MDM4: variants seen among roughly 807,000 people sequenced by gnomAD.
MDM4 encodes the protein protein Mdm4.
In MDM4, 2 loss-of-function variants were observed where a neutral mutation model predicts 60.2. The observed-to-expected ratio is 0.03, with a 90% CI of 0.01 to 0.10. The LOEUF (loss-of-function observed/expected upper bound fraction) is 0.10. Ranked by LOEUF, MDM4 falls within the 10% of genes least tolerant of loss-of-function variation. The probability of loss-of-function intolerance (pLI) is 1.00; values close to 1 mark genes in which losing one functional copy is unlikely to be tolerated. For synonymous variants in MDM4, 202 were observed against 198.1 expected, an observed-to-expected ratio of 1.02 and a Z score of -0.17; for missense variants, 447 against 577.5, an observed-to-expected ratio of 0.77 and a Z score of 2.32.
chr1:204,529,009 A>C (rs1660557866), intron 3 of MDM4: 29 of 1,523,276 alleles, frequency 1.9e-5, no homozygotes, highest in Non-Finnish European at 2.5e-5. Context: ...GAGCGTGGGC[A>C]GTAGCTGGAG....
intron 8 of MDM4, among the ~76,000 whole-genome samples, 185 bp from the exon 9 acceptor site, chr1:204,544,350 A>G (rs1273993078): frequency 5.9e-5 from 9 of 152,204 alleles, no homozygotes; most frequent in East Asian, 3.8e-4. Flanking sequence ...ATATCCATCC[A>G]TTAGTTTATC....
intron 1 of MDM4, among the ~76,000 whole-genome samples, chr1:204,523,980 C>T (rs982367965): frequency 6.6e-6 from 1 of 151,730 alleles, no homozygotes; most frequent in Non-Finnish European, 1.5e-5. Flanking sequence ...AGTGGCTGGG[C>T]GAGTAGTATG....
Position 204,537,774 on chromosome 1 carries a change from T to C in MDM4, c.411+277T>C, listed in dbSNP as rs1463669266. On this transcript the variant is annotated intron_variant, in intron 6 of 10. Transcript: ENST00000367182. ...TTGTGTGTACCTGTGTGTGTGTGTT[T>C]GAGGATATTGCTTTATTAGATTTTA... 5.0e-6 allele frequency: 3 copies of C among 597,774 alleles called. No individual in the cohort carries two copies. The African/African-American group carries it at 5.6e-5, about 11-fold the overall frequency. The allele number at this position is 597,774 out of a possible 1,614,324, so 37.0% of individuals were successfully genotyped here. A position where few individuals can be genotyped will look rare whatever the true frequency, so the allele number is the denominator to read the frequency against.
intron 2 of MDM4, 123 bp from the exon 3 acceptor site, chr1:204,526,237 C>A: frequency 1.3e-6 from 1 of 743,588 alleles, no homozygotes; most frequent in Non-Finnish European, 2.3e-6. Flanking sequence ...GCCAAGGCGA[C>A]AGAGCAAGAC....
At chr1:204,516,918 C>T (rs967285645) in intron 1 of MDM4, among the ~76,000 whole-genome samples, 2 of 152,060 alleles carry the variant, frequency 1.3e-5, no homozygotes, top group Non-Finnish European at 2.9e-5. Context: ...GACAGTCTAC[C>T]TTAGAGGCAC....
At position 204,552,885 on chromosome 1, in the gene MDM4, T is replaced by TA; in HGVS notation, c.*3203_*3204insA. 6.1e-6 allele frequency: 1 copy of TA among 164,412 alleles called. No individual in the cohort carries two copies. Among genetic ancestry groups the TA allele is most frequent in the Non-Finnish European group, 1.3e-5 (1 of 75,174 alleles). 10.2% of individuals were successfully genotyped at this position (164,412 alleles called of 1,614,324 possible). A position where few individuals can be genotyped will look rare whatever the true frequency, so the allele number is the denominator to read the frequency against. On this transcript the variant is annotated 3_prime_UTR_variant, in exon 11 of 11. Transcript: ENST00000367182. Reference sequence around the variant, plus strand: ...TTCTTTTCTTTTCTTTTTTTTTTTTTTTTACTTGAGATGGAGTTTTGCTCT... The same window carrying TA: ...TTCTTTTCTTTTCTTTTTTTTTTTTTATTTACTTGAGATGGAGTTTTGCTCT...
chr1:204,529,568 A>C (rs570737527), intron 3 of MDM4: 1 of 1,448,180 alleles, frequency 6.9e-7, no homozygotes, highest in African/African-American at 1.4e-5. Flanking sequence ...AGCCACCACC[A>C]GGGGGTAGCA....
chr1:204,527,643 C>CAAA (rs55900130), intron 3 of MDM4, among the ~76,000 whole-genome samples: 3 of 109,486 alleles, frequency 2.7e-5, no homozygotes, highest in African/African-American at 3.7e-5. Flanking sequence ...AACTCCATCT[C>CAAA]AAAAAAAAAA....
chr1:204,544,047 GGTTA>G (rs1346355183), intron 8 of MDM4, among the ~76,000 whole-genome samples: 1 of 152,174 alleles, frequency 6.6e-6, no homozygotes, highest in Non-Finnish European at 1.5e-5. Flanking sequence ...GAATGCAGAA[GGTTA>G]GTTCTATATG....
intron 4 of MDM4, among the ~76,000 whole-genome samples, chr1:204,531,451 A>G (rs1660845039): frequency 6.6e-6 from 1 of 152,208 alleles, no homozygotes; most frequent in Non-Finnish European, 1.5e-5. Flanking sequence ...TAGCTTATAT[A>G]GTCAAAAGCT....
chr1:204,522,557 C>G (rs912299138), intron 1 of MDM4, among the ~76,000 whole-genome samples: 5 of 151,436 alleles, frequency 3.3e-5, no homozygotes, highest in Non-Finnish European at 5.9e-5. Context: ...GCCACCACAC[C>G]TGGCTAATTT....
rs869147485 is a variant in MDM4 at position 204,535,157 on chromosome 1, C to CTT, written c.344-2256_344-2255dup. ...GATGCCATTGTTTAAAATGGTAGTTCTTTTTTTTTTTTTTTTTTGAGATGG... is the reference window on the plus strand; with the variant it reads ...GATGCCATTGTTTAAAATGGTAGTTCTTTTTTTTTTTTTTTTTTTTGAGATGG... On this transcript the variant is annotated intron_variant, in intron 5 of 10. Transcript: ENST00000367182. 2.8e-3 allele frequency among the ~76,000 whole-genome samples: 368 copies of CTT among 130,110 alleles called. 1 individual carries two copies. The highest frequency in any genetic ancestry group is 9.1e-3 in the African/African-American group (324 of 35,634). The allele number at this position is 130,110 out of a possible 152,430, so 85.4% of individuals were successfully genotyped here. A position where few individuals can be genotyped will look rare whatever the true frequency, so the allele number is the denominator to read the frequency against.
At chr1:204,532,156 G>A in intron 4 of MDM4, 35 bp from the exon 5 acceptor site, 1 of 1,264,042 alleles carries the variant, frequency 7.9e-7, no homozygotes, top group Non-Finnish European at 1.2e-6. Context: ...AGTGGCATTT[G>A]GGGTTGTTAA....
intron 1 of MDM4, among the ~76,000 whole-genome samples, chr1:204,517,022 C>T (rs1168044640): frequency 1.3e-5 from 2 of 152,116 alleles, no homozygotes; most frequent in Non-Finnish European, 2.9e-5. Context: ...GGTGGATCTA[C>T]CTGAGGACAG....
In MDM4 at chr1:204,548,718, T is replaced by C. The variant is rs3789048; in HGVS notation, c.904-395T>C. Among the ~76,000 whole-genome samples, 14 of 152,274 alleles carry C rather than the reference T, an allele frequency of 9.2e-5. 1 individual carries two copies. In the East Asian group the frequency reaches 2.5e-3, roughly 27 times the overall value. On this transcript the variant is annotated intron_variant, in intron 10 of 10. Transcript: ENST00000367182. ...CAAACTTTATAACATTTGCTATTAG[T>C]GTAGAAAAGAATGACAGAGTATTCT... is the stretch of plus-strand genomic sequence containing the variant.
intron 1 of MDM4, among the ~76,000 whole-genome samples, chr1:204,517,849 C>G (rs1383031690): frequency 9.1e-6 from 1 of 110,070 alleles, no homozygotes; most frequent in East Asian, 3.1e-4. Context: ...TCTCTCTCCT[C>G]ATACATTTTT....
In MDM4 at chr1:204,549,343, A is replaced by G. The variant is rs774729619; in HGVS notation, c.1134A>G (p.Ile378Met). The G allele has an allele frequency of 5.0e-6, 8 of 1,614,184 alleles. No individual in the cohort carries two copies. Among genetic ancestry groups the G allele is most frequent in the Non-Finnish European group, 6.8e-6 (8 of 1,180,016 alleles). ...TCGTTAGACCTAAAGATGCGTATAT[A>G]AAGAAAGAAAACTCCAAACTTTTTG... ...APVVRPKDAY[I>M]KKENSKLFDP... Residue 378 changes from isoleucine (I) to methionine (M), a missense_variant, in exon 11 of 11, where the codon ATA (isoleucine) becomes ATG (methionine). This residue lies in a region of MDM4 where 117 missense variants were observed against 114.5 expected (regional missense o/e 1.02). Transcript: ENST00000367182.
At chr1:204,535,733 A>C (rs1201808276) in intron 5 of MDM4, among the ~76,000 whole-genome samples, 2 of 151,080 alleles carry the variant, frequency 1.3e-5, no homozygotes, top group Admixed American at 1.3e-4. Flanking sequence ...AGGTTTCACC[A>C]GGCTGGTGGG....
rs774769336 is a variant in MDM4, at chr1:204,530,758, T to C, written c.228T>C (p.Cys76=). ...YDQQEQHMVY[C]GGDLLGELLG... ...AGCAGGAGCAGCATATGGTATATTG[T>C]GGTGGAGATCTTTTGGGAGAACTAC... The change falls in exon 4 of 11, where the codon TGT becomes TGC. Residue 76 remains cysteine, a synonymous_variant. Coordinates refer to ENST00000367182, the MANE Select transcript of MDM4 (RefSeq NM_002393.5). 7 of 1,614,210 alleles carry C rather than the reference T, an allele frequency of 4.3e-6. No individual in the cohort carries two copies. The South Asian group carries it at 4.4e-5, about 10-fold the overall frequency.
Sources: allele counts gnomAD v4.1 joint callset (sites outside exome capture counted in the v4.1 genomes callset), GRCh38; gene constraint gnomAD v4.1.1; regional missense constraint gnomAD v4.1.1; transcripts MANE v1.5; gene names NCBI Gene and HGNC (gene_info 2026-07-23, HGNC 2026-07-21).